Variants in HS2ST1 observed in about 807,000 individuals in gnomAD.
HS2ST1 encodes heparan sulfate 2-O-sulfotransferase 1, also known as 2-O-sulfotransferase.
A neutral mutation model predicts 42.9 loss-of-function variants in HS2ST1; 18 were observed. The observed-to-expected ratio is 0.42, with a 90% CI of 0.29 to 0.62. The LOEUF (loss-of-function observed/expected upper bound fraction) is 0.62, where lower values mean the gene tolerates loss of function less well. HS2ST1 is among the 20% of genes least tolerant of loss of function. The pLI, the probability that HS2ST1 is intolerant of heterozygous loss-of-function variation, is 0.21. For synonymous variants in HS2ST1, 146 were observed against 152.9 expected (o/e 0.95, Z 0.33); for missense variants, 334 against 433.8 (o/e 0.77, Z 2.04).
At chr1:86,973,613 A>G (rs1648302844) in intron 1 of HS2ST1, among the ~76,000 whole-genome samples, 1 of 152,198 alleles carries the variant, frequency 6.6e-6, no homozygotes, top group Non-Finnish European at 1.5e-5. Context: ...CCTTGGGCTA[A>G]GAGTGGGAAG....
intron 1 of HS2ST1, among the ~76,000 whole-genome samples, chr1:87,012,146 T>A (rs2100579109): frequency 6.6e-6 from 1 of 152,312 alleles, no homozygotes; most frequent in Middle Eastern, 3.4e-3. Context: ...TACTTCCCCA[T>A]CAGCATTTCA....
chr1:87,077,262 A>C lies in HS2ST1; in HGVS notation c.363+4090A>C, dbSNP rs1401965637. On this transcript the variant is annotated intron_variant, in intron 2 of 6. Transcript: ENST00000370550. Reference sequence around the variant, plus strand: ...AATTGTTATTCCTACCTCCCCTACAAAATCCACATTTCTTACATAGACCAA... The same window carrying C: ...AATTGTTATTCCTACCTCCCCTACACAATCCACATTTCTTACATAGACCAA... Among the ~76,000 whole-genome samples, 3 of 152,334 alleles carry C rather than the reference A, an allele frequency of 2.0e-5. No individual in the cohort carries two copies. The East Asian group carries it at 5.8e-4, about 29-fold the overall frequency.
chr1:86,925,399 A>G (rs944612473), intron 1 of HS2ST1, among the ~76,000 whole-genome samples: 4 of 152,176 alleles, frequency 2.6e-5, no homozygotes, highest in East Asian at 3.8e-4. Context: ...GCCCCACTCT[A>G]TGATACCAGT....
intron 1 of HS2ST1, among the ~76,000 whole-genome samples, chr1:86,959,519 G>A (rs1055759033): frequency 7.9e-5 from 12 of 152,122 alleles, no homozygotes; most frequent in African/African-American, 2.4e-4. Context: ...TCAGCTGGGC[G>A]TGGTGGTGCA....
intron 1 of HS2ST1, among the ~76,000 whole-genome samples, chr1:87,056,885 T>C (rs1650984566): frequency 2.0e-5 from 3 of 152,182 alleles, no homozygotes; most frequent in African/African-American, 4.8e-5. Flanking sequence ...TGCAGTTAAC[T>C]TTTAAGAAAT....
At chr1:86,954,857 A>G (rs113999612) in intron 1 of HS2ST1, among the ~76,000 whole-genome samples, 3,167 of 152,256 alleles carry the variant, frequency 0.021, 56 homozygotes, top group Non-Finnish European at 0.035. Flanking sequence ...TACATATGCT[A>G]TCTCAAGAGT....
chr1:87,063,037 T>A (rs1173474106), intron 1 of HS2ST1, among the ~76,000 whole-genome samples: 2 of 152,220 alleles, frequency 1.3e-5, no homozygotes, highest in Non-Finnish European at 2.9e-5. Context: ...TCTAAATGTT[T>A]ATGTCTCTTT....
chr1:87,053,150 C>T (rs964735535), intron 1 of HS2ST1, among the ~76,000 whole-genome samples: 13 of 152,174 alleles, frequency 8.5e-5, no homozygotes, highest in Non-Finnish European at 4.4e-5. Flanking sequence ...ATACCCAAAC[C>T]CAGCTGGAGT....
At chr1:86,956,310 A>G (rs998842278) in intron 1 of HS2ST1, among the ~76,000 whole-genome samples, 1 of 152,246 alleles carries the variant, frequency 6.6e-6, no homozygotes, top group African/African-American at 2.4e-5. Flanking sequence ...ATTCAGAGGA[A>G]AGAGTAATAG....
Position 86,915,046 on chromosome 1 carries a change from C to T in HS2ST1, c.10C>T (p.Leu4Phe). 6.2e-7 allele frequency: 1 copy of T among 1,614,180 alleles called. No individual in the cohort carries two copies. Residue 4 changes from leucine (L) to phenylalanine (F), a missense_variant, in exon 1 of 7, where the codon CTC becomes TTC. Transcript: ENST00000370550. ...CCGAGCAGCGGGTTTCATGGGGCTC[C>T]TCAGGATTATGATGCCGCCCAAGTT... MGL[L>F]RIMMPPKLQL...
At position 86,914,781 on chromosome 1, in the gene HS2ST1, C is replaced by G. The variant is rs901957168; in HGVS notation, c.-256C>G. The G allele has an allele frequency of 7.6e-6, 4 of 523,182 alleles. No individual in the cohort carries two copies. Among genetic ancestry groups the G allele is most frequent in the Non-Finnish European group, 1.4e-5 (4 of 295,138 alleles). 32.4% of individuals were successfully genotyped at this position (523,182 alleles called of 1,614,324 possible). On this transcript the variant is annotated 5_prime_UTR_variant, in exon 1 of 7. Transcript: ENST00000370550. ...GCGAGAGCCCGGCAGCCGCTTCGCG[C>G]TGTTTGCTGCGCGGGCTTTTGGAGG...
intron 1 of HS2ST1, among the ~76,000 whole-genome samples, chr1:86,962,092 A>G (rs945725197): frequency 6.6e-6 from 1 of 152,172 alleles, no homozygotes; most frequent in African/African-American, 2.4e-5. Context: ...ATTGCAATAT[A>G]TGTAAGATAC....
At position 86,914,763 on chromosome 1, in the gene HS2ST1, C is replaced by G; in HGVS notation, c.-274C>G. Reference sequence around the variant, plus strand: ...CTGAGGCAGTAGAGGGAGGCGAGAGCCCGGCAGCCGCTTCGCGCTGTTTGC... The same window carrying G: ...CTGAGGCAGTAGAGGGAGGCGAGAGGCCGGCAGCCGCTTCGCGCTGTTTGC... On this transcript the variant is annotated 5_prime_UTR_variant, in exon 1 of 7. Transcript: ENST00000370550. 2.1e-6 allele frequency: 1 copy of G among 483,702 alleles called. No homozygotes were observed. Among genetic ancestry groups the G allele is most frequent in the Non-Finnish European group, 3.7e-6 (1 of 270,724 alleles). The allele number at this position is 483,702 out of a possible 1,614,324, so 30.0% of individuals were successfully genotyped here. A position where few individuals can be genotyped will look rare whatever the true frequency, so the allele number is the denominator to read the frequency against.
intron 1 of HS2ST1, among the ~76,000 whole-genome samples, chr1:86,998,333 A>C (rs1649166873): frequency 6.6e-6 from 1 of 152,232 alleles, no homozygotes; most frequent in South Asian, 2.1e-4. Flanking sequence ...TTTATAGGTC[A>C]TTGAATTTTC....
In HS2ST1 at chr1:87,046,008, G is replaced by A. The variant is rs57842011; in HGVS notation, c.125-26926G>A. 1,422 of 696,214 alleles carry A rather than the reference G, an allele frequency of 2.0e-3. 14 individuals are homozygous for A. In the African/African-American group the frequency reaches 0.022, roughly 11 times the overall value. 43.1% of individuals were successfully genotyped at this position (696,214 alleles called of 1,614,324 possible). ...ACATGTTGGAAGATCAAAGGCACAG[G>A]TTGCCAGGGAAAGTGCACTGCAGTT... On this transcript the variant is annotated intron_variant, in intron 1 of 6. Coordinates refer to ENST00000370550, the MANE Select transcript of HS2ST1 (RefSeq NM_012262.4).
intron 1 of HS2ST1, among the ~76,000 whole-genome samples, chr1:87,049,232 A>G (rs1461050062): frequency 6.6e-6 from 1 of 151,468 alleles, no homozygotes; most frequent in Non-Finnish European, 1.5e-5. Context: ...TGTCTGTAGT[A>G]TTCTCTCCTT....
At chr1:87,095,645 A>G (rs1291094519) in intron 4 of HS2ST1, among the ~76,000 whole-genome samples, 1 of 152,212 alleles carries the variant, frequency 6.6e-6, no homozygotes, top group African/African-American at 2.4e-5. Context: ...AACTATATCA[A>G]TCAAATCAGT....
intron 1 of HS2ST1, among the ~76,000 whole-genome samples, chr1:86,986,552 T>G (rs529335837): frequency 1.7e-4 from 26 of 152,344 alleles, no homozygotes; most frequent in African/African-American, 6.3e-4. Flanking sequence ...TTAGGTATCT[T>G]TAAAATAAGA....
chr1:87,030,369 G>A (rs1463027834), intron 1 of HS2ST1, among the ~76,000 whole-genome samples: 1 of 152,110 alleles, frequency 6.6e-6, no homozygotes, highest in Non-Finnish European at 1.5e-5. Context: ...GTGGTGGTGT[G>A]TGCTTGTAGT....
Sources: gnomAD v4.1 joint callset for allele counts (sites outside exome capture counted in the v4.1 genomes callset) on GRCh38, gnomAD v4.1.1 for gene constraint, MANE v1.5 for transcripts, NCBI Gene and HGNC (gene_info 2026-07-23, HGNC 2026-07-21) for gene names.